SLC9A9: variants seen among roughly 807,000 people sequenced by gnomAD.
The protein encoded by SLC9A9 is sodium/hydrogen exchanger 9.
A neutral mutation model predicts 77.8 loss-of-function variants in SLC9A9; 62 were observed. That is an observed-to-expected ratio of 0.80 (90% CI 0.65 to 0.98). SLC9A9 has a LOEUF of 0.98. SLC9A9 is among the 50% of genes least tolerant of loss of function. The pLI, the probability that SLC9A9 is intolerant of heterozygous loss-of-function variation, is 0.00. For missense variants in SLC9A9, 775 were observed against 774.9 expected (o/e 1.00, Z 0.00); for synonymous variants, 320 against 283.5 (o/e 1.13, Z -1.29).
Position 143,565,715 on chromosome 3 carries a change from T to G in SLC9A9, c.1000+8373A>C, listed in dbSNP as rs375230063. ...TAATATTTTGAGCCTCAGGGTTTTG[T>G]TTTTTTTTTTCCAGCTTGGAAAACA... is the stretch of plus-strand genomic sequence containing the variant. On this transcript the variant is annotated intron_variant, in intron 8 of 15. Coordinates refer to ENST00000316549, the MANE Select transcript of SLC9A9 (RefSeq NM_173653.4). 4.4e-3 allele frequency among the ~76,000 whole-genome samples: 490 copies of G among 112,300 alleles called. 1 individual carries two copies. The highest frequency in any genetic ancestry group is 0.015 in the African/African-American group (457 of 30,130). 73.7% of individuals were successfully genotyped at this position (112,300 alleles called of 152,430 possible).
chr3:143,448,335 C>T (rs1272310665), intron 12 of SLC9A9, among the ~76,000 whole-genome samples: 2 of 152,036 alleles, frequency 1.3e-5, no homozygotes, highest in African/African-American at 2.4e-5. Flanking sequence ...TGTCCATTGG[C>T]GAATACTGAG....
rs75456180 is a variant in SLC9A9 at position 143,320,651 on chromosome 3, C to A, written c.1604+42833G>T. Among the ~76,000 whole-genome samples, 4 of 152,304 alleles carry A rather than the reference C, an allele frequency of 2.6e-5. No individual in the cohort carries two copies. In the East Asian group the frequency reaches 7.7e-4, roughly 29 times the overall value. ...CTTGCTTATCACCAAAGGGATGGCA[C>A]TAAGCCATTCATGATCAAATCCCCT... On this transcript the variant is annotated intron_variant, in intron 14 of 15. Transcript: ENST00000316549.
At chr3:143,543,568 T>G (rs971822580) in intron 9 of SLC9A9, among the ~76,000 whole-genome samples, 5 of 152,158 alleles carry the variant, frequency 3.3e-5, no homozygotes, top group Non-Finnish European at 7.3e-5. Context: ...TAGCTCTTAG[T>G]GTCTACTGTT....
At chr3:143,815,868 AAAACAAAC>A (rs372331676) in intron 2 of SLC9A9, among the ~76,000 whole-genome samples, 2 of 152,282 alleles carry the variant, frequency 1.3e-5, no homozygotes, top group South Asian at 4.1e-4. Context: ...CCATCTCAAA[AAAACAAAC>A]AAACAAACAA....
intron 1 of SLC9A9, among the ~76,000 whole-genome samples, chr3:143,835,439 G>A (rs1054206326): frequency 6.6e-6 from 1 of 152,186 alleles, no homozygotes; most frequent in Non-Finnish European, 1.5e-5. Context: ...CTGCAGCAGC[G>A]GCAGCTGGAA....
chr3:143,491,807 C>T (rs2035751665), intron 11 of SLC9A9, among the ~76,000 whole-genome samples: 1 of 152,178 alleles, frequency 6.6e-6, no homozygotes, highest in Non-Finnish European at 1.5e-5. Flanking sequence ...AAATAAGCTG[C>T]TATTCTCCAG....
At chr3:143,498,680 A>T (rs915119951) in intron 9 of SLC9A9, among the ~76,000 whole-genome samples, 6 of 150,134 alleles carry the variant, frequency 4.0e-5, no homozygotes, top group East Asian at 1.9e-4. Context: ...TTTAAGATTT[A>T]AAAAAAAAAT....
chr3:143,639,260 T>G (rs1453915444), intron 6 of SLC9A9, among the ~76,000 whole-genome samples: 1 of 152,194 alleles, frequency 6.6e-6, no homozygotes, highest in African/African-American at 2.4e-5. Flanking sequence ...TTAGATTATG[T>G]TATTAGAAGC....
intron 4 of SLC9A9, among the ~76,000 whole-genome samples, chr3:143,777,401 G>GA (rs1431769517): frequency 7.0e-4 from 106 of 151,920 alleles, no homozygotes; most frequent in Non-Finnish European, 9.9e-4. Flanking sequence ...CCCTTCTAGA[G>GA]AAAAAAATGC....
chr3:143,605,653 G>C (rs148693800), intron 6 of SLC9A9, among the ~76,000 whole-genome samples: 1 of 152,198 alleles, frequency 6.6e-6, no homozygotes, highest in Non-Finnish European at 1.5e-5. Flanking sequence ...TGTAACTTAA[G>C]CTTTAGACAA....
At chr3:143,300,100 T>C (rs2030455453) in intron 14 of SLC9A9, among the ~76,000 whole-genome samples, 1 of 152,084 alleles carries the variant, frequency 6.6e-6, no homozygotes, top group Non-Finnish European at 1.5e-5. Flanking sequence ...GGCACACAGG[T>C]TGAGAAAGTC....
intron 9 of SLC9A9, chr3:143,518,241 G>A (rs1386565699): frequency 1.9e-6 from 3 of 1,587,882 alleles, no homozygotes; most frequent in Non-Finnish European, 2.6e-6. Flanking sequence ...GCAGGGAGGT[G>A]GTGGGCGAAG....
chr3:143,763,536 T>G (rs2007204375), intron 4 of SLC9A9, among the ~76,000 whole-genome samples: 1 of 152,166 alleles, frequency 6.6e-6, no homozygotes, highest in Admixed American at 6.6e-5. Context: ...CATGGATTTG[T>G]ACACTCCTGG....
chr3:143,708,962 C>T (rs1317618597), intron 4 of SLC9A9, among the ~76,000 whole-genome samples: 4 of 152,128 alleles, frequency 2.6e-5, no homozygotes, highest in Non-Finnish European at 5.9e-5. Flanking sequence ...GAACCATGGT[C>T]TGGGGAAGAA....
rs535834300 is a variant in SLC9A9, at chr3:143,448,041, A to G, written c.1469+18996T>C. Among the ~76,000 whole-genome samples the G allele has an allele frequency of 9.8e-5, 15 of 152,328 alleles. 2 individuals carry two copies. The South Asian group carries it at 3.1e-3, about 32-fold the overall frequency. On this transcript the variant is annotated intron_variant, in intron 12 of 15. Transcript: ENST00000316549. Reference sequence around the variant, plus strand: ...GATGGAGGATGGCATTTTCAAAGGCATATTGCATCCCGTGGGACTAAGTGT... The same window carrying G: ...GATGGAGGATGGCATTTTCAAAGGCGTATTGCATCCCGTGGGACTAAGTGT...
chr3:143,523,124 C>T (rs368324969), intron 9 of SLC9A9, among the ~76,000 whole-genome samples: 1 of 152,190 alleles, frequency 6.6e-6, no homozygotes. Context: ...GGAGAGAGAG[C>T]TTTAGCACCT....
intron 9 of SLC9A9, among the ~76,000 whole-genome samples, chr3:143,512,206 G>A (rs1342132013): frequency 2.6e-5 from 4 of 152,124 alleles, no homozygotes; most frequent in Non-Finnish European, 5.9e-5. Flanking sequence ...GGCACTGAAA[G>A]TTTGTATAAT....
At chr3:143,769,672 T>C (rs528965872) in intron 4 of SLC9A9, among the ~76,000 whole-genome samples, 16 of 152,182 alleles carry the variant, frequency 1.1e-4, no homozygotes. Flanking sequence ...TACAAGAATA[T>C]AGCAGCAAGT....
chr3:143,364,662 G>C (rs2032850536), intron 13 of SLC9A9, among the ~76,000 whole-genome samples: 1 of 152,184 alleles, frequency 6.6e-6, no homozygotes, highest in Non-Finnish European at 1.5e-5. Context: ...AAACGTATGT[G>C]TACCAGTAGA....
Sources: gnomAD v4.1 joint callset for allele counts (sites outside exome capture counted in the v4.1 genomes callset) on GRCh38, gnomAD v4.1.1 for gene constraint, MANE v1.5 for transcripts, NCBI Gene and HGNC (gene_info 2026-07-23, HGNC 2026-07-21) for gene names.